The following MTAP variants were observed in gnomAD, a reference collection of about 807,000 sequenced individuals.
The protein encoded by MTAP is methylthioadenosine phosphorylase, also known as S-methyl-5'-thioadenosine phosphorylase.
Under a neutral mutation model 33.6 loss-of-function variants are expected in MTAP, and 33 were observed. The ratio of observed to expected loss-of-function variants is 0.98; its 90% confidence interval spans 0.74 to 1.31. The LOEUF is 1.31. Among genes scored for constraint, MTAP ranks in the 40% most tolerant of loss-of-function variants. MTAP has a pLI of 0.00. For synonymous variants in MTAP, 148 were observed against 125.7 expected (o/e 1.18, Z -1.19); for missense variants, 367 against 360.0 (o/e 1.02, Z -0.16).
chr9:21,830,266 C>A (rs1314261991), intron 4 of MTAP, among the ~76,000 whole-genome samples: 1 of 152,200 alleles, frequency 6.6e-6, no homozygotes, highest in Non-Finnish European at 1.5e-5. Flanking sequence ...TGCTTCCTTG[C>A]CATAGGCCCT....
intron 1 of MTAP, among the ~76,000 whole-genome samples, chr9:21,916,546 G>T (rs1299723500): frequency 6.6e-6 from 1 of 152,004 alleles, no homozygotes; most frequent in Admixed American, 6.5e-5. Flanking sequence ...GGAGATGGAG[G>T]TTGCAGTGAG....
At chr9:21,808,250 G>A (rs1046570558) in intron 1 of MTAP, among the ~76,000 whole-genome samples, 3 of 152,114 alleles carry the variant, frequency 2.0e-5, no homozygotes, top group African/African-American at 7.2e-5. Context: ...ATAGTTTCCT[G>A]TTGCTGCTAT....
At chr9:21,910,873 G>T (rs1818564579) in intron 1 of MTAP, among the ~76,000 whole-genome samples, 1 of 152,024 alleles carries the variant, frequency 6.6e-6, no homozygotes, top group African/African-American at 2.4e-5. Flanking sequence ...GGAAACCACA[G>T]ATTTCCTCAC....
rs548921966 is a variant in MTAP at position 21,894,033 on chromosome 9, A to G, written c.148-36975A>G. Reference sequence around the variant, plus strand: ...GCTAGCAAACGAAATCCAGCATTGTATCAAAAAGCTAATCCACCATGATCA... The same window carrying G: ...GCTAGCAAACGAAATCCAGCATTGTGTCAAAAAGCTAATCCACCATGATCA... On this transcript the variant is annotated intron_variant, in intron 1 of 1. Coordinates refer to the MTAP transcript ENST00000577563. Among the ~76,000 whole-genome samples, 127 of 152,162 alleles carry G rather than the reference A, an allele frequency of 8.3e-4. 1 individual carries two copies. Among genetic ancestry groups the G allele is most frequent in the African/African-American group, 2.9e-3 (122 of 41,514 alleles).
chr9:21,838,316 C>T lies in MTAP; in HGVS notation c.450+306C>T, dbSNP rs745364327. On this transcript the variant is annotated intron_variant, in intron 5 of 7. Coordinates refer to ENST00000644715, the MANE Select transcript of MTAP (RefSeq NM_002451.4). ...TTACTCAAGAGTATGCAGTCTGGAG[C>T]CAGATTACTTAGGATCAAATCTCTG... Among the ~76,000 whole-genome samples, 27 of 152,158 alleles carry T rather than the reference C, an allele frequency of 1.8e-4. 1 individual carries two copies. The highest frequency in any genetic ancestry group is 3.7e-4 in the Non-Finnish European group (25 of 68,024).
At chr9:21,855,485 GT>G (rs550862307) in intron 6 of MTAP, among the ~76,000 whole-genome samples, 1 of 152,198 alleles carries the variant, frequency 6.6e-6, no homozygotes, top group Non-Finnish European at 1.5e-5. Context: ...AAGCCTTCCT[GT>G]TTTAAGTGTG....
Position 21,817,938 on chromosome 9 carries a change from C to G in MTAP, c.180-97C>G, listed in dbSNP as rs557075565. 93 of 1,198,836 alleles carry G rather than the reference C, an allele frequency of 7.8e-5. 1 individual carries two copies. In the South Asian group the frequency reaches 1.4e-3, roughly 18 times the overall value. 74.3% of individuals were successfully genotyped at this position (1,198,836 alleles called of 1,614,324 possible). On this transcript the variant is annotated intron_variant, in intron 3 of 7. Transcript: ENST00000644715. The stretch of plus-strand genomic sequence containing the variant: ...GAGACCCCCTGTGTTAGTCTGTGGT[C>G]ATTGCTAGAGAATCACTTAATTTTT...
chr9:21,882,364 T>G (rs996033672), intron 1 of MTAP, among the ~76,000 whole-genome samples: 4 of 152,024 alleles, frequency 2.6e-5, no homozygotes, highest in African/African-American at 9.7e-5. Flanking sequence ...TTTAAAAAGT[T>G]TTATTCTCAA....
intron 4 of MTAP, among the ~76,000 whole-genome samples, chr9:21,836,049 G>A (rs1825096965): frequency 6.6e-6 from 1 of 152,050 alleles, no homozygotes; most frequent in Non-Finnish European, 1.5e-5. Context: ...GTGTTGTGAG[G>A]CCCCATCTGG....
intron 1 of MTAP, among the ~76,000 whole-genome samples, chr9:21,910,580 G>A (rs1323673936): frequency 1.3e-5 from 2 of 152,144 alleles, no homozygotes; most frequent in African/African-American, 4.8e-5. Flanking sequence ...AAATGATCCC[G>A]TGAAAGAGTA....
chr9:21,879,518 G>A (rs907763922), intron 1 of MTAP, among the ~76,000 whole-genome samples: 2 of 151,980 alleles, frequency 1.3e-5, no homozygotes, highest in African/African-American at 4.8e-5. Flanking sequence ...TTGCCACTCT[G>A]TGCCTTTTAA....
intron 5 of MTAP, among the ~76,000 whole-genome samples, chr9:21,842,156 C>G (rs1160481555): frequency 6.6e-6 from 1 of 152,014 alleles, no homozygotes; most frequent in Non-Finnish European, 1.5e-5. Context: ...CAACAATAGG[C>G]TAGAACAAGT....
At chr9:21,882,895 T>C (rs1007052993) in intron 1 of MTAP, among the ~76,000 whole-genome samples, 45 of 151,978 alleles carry the variant, frequency 3.0e-4, no homozygotes, top group Admixed American at 9.8e-4. Context: ...CACTGGAAAT[T>C]TTGGTTTTCT....
intron 5 of MTAP, among the ~76,000 whole-genome samples, chr9:21,846,434 G>T (rs1181687581): frequency 6.6e-6 from 1 of 150,396 alleles, no homozygotes; most frequent in South Asian, 2.1e-4. Context: ...AAAAAAGGTC[G>T]CTAAGTACAT....
intron 1 of MTAP, among the ~76,000 whole-genome samples, chr9:21,814,253 A>G (rs1169573596): frequency 6.6e-6 from 1 of 152,122 alleles, no homozygotes; most frequent in East Asian, 1.9e-4. Context: ...CAGAAAGGTA[A>G]CCATTTTTTT....
chr9:21,822,795 T>A (rs1014625031), intron 4 of MTAP, among the ~76,000 whole-genome samples: 4 of 152,226 alleles, frequency 2.6e-5, no homozygotes, highest in Admixed American at 2.6e-4. Context: ...AAGGACTTGC[T>A]TTATGAATCT....
intron 1 of MTAP, among the ~76,000 whole-genome samples, chr9:21,912,332 A>T (rs1818592614): frequency 6.6e-6 from 1 of 152,208 alleles, no homozygotes; most frequent in South Asian, 2.1e-4. Flanking sequence ...ACAACAAAAA[A>T]AGAGAATTTT....
chr9:21,930,698 A>G, intron 1 of MTAP: 3 of 582,150 alleles, frequency 5.2e-6, no homozygotes, highest in Non-Finnish European at 9.1e-6. Context: ...TAGTCCTCCA[A>G]AACTGTCAAG....
intron 1 of MTAP, among the ~76,000 whole-genome samples, chr9:21,873,775 C>G (rs1035401102): frequency 6.6e-6 from 1 of 152,106 alleles, no homozygotes; most frequent in Non-Finnish European, 1.5e-5. Context: ...AGTTGAACAA[C>G]AGTCGTACTA....
Sources: gnomAD v4.1 joint callset for allele counts (sites outside exome capture counted in the v4.1 genomes callset) on GRCh38, gnomAD v4.1.1 for gene constraint, MANE v1.5 for transcripts, NCBI Gene and HGNC (gene_info 2026-07-23, HGNC 2026-07-21) for gene names.